FUZ: variants seen among roughly 807,000 people sequenced by gnomAD.
FUZ encodes the protein fuzzy planar cell polarity protein, also known as protein fuzzy homolog.
Under a neutral mutation model 43.1 loss-of-function variants are expected in FUZ, and 31 were observed. That is an observed-to-expected ratio of 0.72 (90% CI 0.54 to 0.97). FUZ has a LOEUF of 0.97. Among genes scored for constraint, FUZ ranks in the 50% least tolerant of loss-of-function variants. FUZ has a pLI of 0.00. For synonymous variants in FUZ, 274 were observed against 250.0 expected (o/e 1.10, Z -0.91); for missense variants, 539 against 543.8 (o/e 0.99, Z 0.09).
rs758936919 is a variant in FUZ at position 49,808,744 on chromosome 19, C to T, written c.866G>A (p.Gly289Asp). 23 of 1,584,824 alleles carry T rather than the reference C, an allele frequency of 1.5e-5. 1 individual carries two copies. In the South Asian group the frequency reaches 1.9e-4, roughly 13 times the overall value. Residue 289 changes from glycine (G) to aspartate (D), a missense_variant, in exon 8 of 11, where the codon GGC becomes GAC. Transcript: ENST00000313777. ...LPLGPRALPS[G>D]FPLHTDILGL... The stretch of plus-strand genomic sequence containing the variant: ...GAGGATGTCTGTGTGAAGGGGGAAG[C>T]CACTGGGCAGCGCCCGGGGTCCCAA...
intron 9 of FUZ, 40 bp from the exon 10 acceptor site, chr19:49,808,528 G>T: frequency 2.5e-6 from 4 of 1,596,716 alleles, no homozygotes; most frequent in Non-Finnish European, 3.4e-6. Context: ...GCGCCTCCCC[G>T]GCCCACGCCC....
At chr19:49,811,580 TG>T (rs1378311698) in intron 4 of FUZ, 50 bp downstream of exon 4, 7 of 1,592,908 alleles carry the variant, frequency 4.4e-6, no homozygotes, top group Non-Finnish European at 6.0e-6. Context: ...AGTTCCCAAA[TG>T]GCAGTGCCCA....
chr19:49,811,347 A>G lies in FUZ; in HGVS notation c.492+16T>C. ...CAGCAGAACAGGTGTAAGAGTTTCC[A>G]TAGCATCCCCAGTACCTGCAAGAGG... On this transcript the variant is annotated intron_variant, in intron 5 of 10. Transcript: ENST00000313777. The G allele has an allele frequency of 6.4e-7, 1 of 1,562,204 alleles. No individual in the cohort carries two copies. The highest frequency in any genetic ancestry group is 8.7e-7 in the Non-Finnish European group (1 of 1,143,368).
rs1247207282 is a variant in FUZ at position 49,811,653 on chromosome 19, T to C, written c.365A>G (p.Glu122Gly). 6.2e-7 allele frequency: 1 copy of C among 1,614,170 alleles called. No homozygotes were observed. Among genetic ancestry groups the C allele is most frequent in the African/African-American group, 1.3e-5 (1 of 75,052 alleles). ...LEELTNIRNV[E>G]RLKKDLRASY... ...CACCCTCAAGTCCTTCTTCAGTCTC[T>C]CCACGTTGCGGATATTGGTCAGTTC... Residue 122 changes from glutamate to glycine, a missense_variant, in exon 4 of 11, where the codon GAG becomes GGG. Transcript: ENST00000313777.
Position 49,807,152 on chromosome 19 carries a change from CAAAG to C in FUZ, c.1252_1255del (p.Leu418AspfsTer24). ...TGTCCATCACCCACTGCTAGGTAGTCAAAGAAGTGGGGTGAGGGCATGCAGAGTG... is the reference window on the plus strand; with the variant it reads ...TGTCCATCACCCACTGCTAGGTAGTCAAGTGGGGTGAGGGCATGCAGAGTG... On this transcript the variant is annotated frameshift_variant and stop_lost, in exon 11 of 11. Transcript: ENST00000313777. LOFTEE classifies it high-confidence loss of function. 6.2e-7 allele frequency: 1 copy of C among 1,612,882 alleles called. No homozygotes were observed. Among genetic ancestry groups the C allele is most frequent in the Non-Finnish European group, 8.5e-7 (1 of 1,179,768 alleles).
At chr19:49,811,182 AAAAG>A (rs1221344788) in intron 5 of FUZ, 177 bp downstream of exon 5, 10 of 672,834 alleles carry the variant, frequency 1.5e-5, no homozygotes, top group Middle Eastern at 5.6e-4. Flanking sequence ...AAGAAAAAAG[AAAAG>A]AAAGAGAAAG....
intron 10 of FUZ, among the ~76,000 whole-genome samples, chr19:49,807,687 T>C (rs888024149): frequency 1.3e-5 from 2 of 152,080 alleles, no homozygotes; most frequent in Non-Finnish European, 1.5e-5. Context: ...TCCTGTAGCC[T>C]TTTCCAGGAG....
Position 49,809,675 on chromosome 19 carries a change from G to A in FUZ, c.493-100C>T. The A allele has an allele frequency of 7.8e-7, 1 of 1,273,896 alleles. No homozygotes were observed. The highest frequency in any genetic ancestry group is 2.0e-5 in the Admixed American group (1 of 50,548). 78.9% of individuals were successfully genotyped at this position (1,273,896 alleles called of 1,614,324 possible). A position where few individuals can be genotyped will look rare whatever the true frequency, so the allele number is the denominator to read the frequency against. Reference sequence around the variant, plus strand: ...GGGAATGGGGAGAAACCCACAGCCAGCCCCGAGCTCGCGCAGTGGCCATGC... The same window carrying A: ...GGGAATGGGGAGAAACCCACAGCCAACCCCGAGCTCGCGCAGTGGCCATGC... On this transcript the variant is annotated intron_variant, in intron 5 of 10. Transcript: ENST00000313777. The surrounding 1 kb of genome is among the most constrained non-coding windows in gnomAD (Gnocchi z 5.1).
intron 10 of FUZ, chr19:49,807,970 CT>C: frequency 3.6e-6 from 1 of 279,188 alleles, no homozygotes; most frequent in Non-Finnish European, 7.0e-6. Flanking sequence ...AAAGCCTGTG[CT>C]TTTGGCAGTT....
chr19:49,809,123 G>T lies in FUZ; in HGVS notation c.786+40C>A. 1 of 1,527,132 alleles carries T rather than the reference G, an allele frequency of 6.5e-7. No individual in the cohort carries two copies. Among genetic ancestry groups the T allele is most frequent in the Non-Finnish European group, 8.9e-7 (1 of 1,125,548 alleles). 94.6% of individuals were successfully genotyped at this position (1,527,132 alleles called of 1,614,324 possible). ...GTGGGGAAGGGCCCTCCTGGTAGCG[G>T]GTGTCCTAAGAGCGAAAGCGGGACG... On this transcript the variant is annotated intron_variant, in intron 7 of 10. Transcript: ENST00000313777. The surrounding 1 kb of genome is among the most constrained non-coding windows in gnomAD (Gnocchi z 5.1).
chr19:49,813,123 G>A lies in FUZ; in HGVS notation c.-17C>T, dbSNP rs199809983. Reference sequence around the variant, plus strand: ...CTCCCCCATTTAGGACTCCCACCGCGGTCCCTCACGTGGGGACTGTCAGTG... The same window carrying A: ...CTCCCCCATTTAGGACTCCCACCGCAGTCCCTCACGTGGGGACTGTCAGTG... On this transcript the variant is annotated 5_prime_UTR_variant, in exon 1 of 11. Transcript: ENST00000313777. The A allele has an allele frequency of 4.5e-4, 690 of 1,539,506 alleles. 4 individuals are homozygous for A. Among genetic ancestry groups the A allele is most frequent in the Admixed American group, 3.7e-4 (19 of 50,994 alleles).
chr19:49,807,759 A>AGTC (rs2073470147), intron 10 of FUZ, among the ~76,000 whole-genome samples: 1 of 152,154 alleles, frequency 6.6e-6, no homozygotes, highest in African/African-American at 2.4e-5. Context: ...TGGGAGGTGG[A>AGTC]GTCGCACAGC....
rs1281656317 is a variant in FUZ, at chr19:49,808,779, G to A, written c.831C>T (p.Ala277=). ...WWQPLLDPLR[A]CLPLGPRALP... ...GCGCCCGGGGTCCCAACGGCAGACA[G>A]GCCCGCAACGGGTCCAGCAGTGGCT... Residue 277 remains alanine, a synonymous_variant, in exon 8 of 11, where the codon GCC becomes GCT. Transcript: ENST00000313777. The A allele has an allele frequency of 6.4e-7, 1 of 1,562,674 alleles. No individual in the cohort carries two copies. Among genetic ancestry groups the A allele is most frequent in the South Asian group, 1.2e-5 (1 of 85,484 alleles).
intron 10 of FUZ, 61 bp downstream of exon 10, chr19:49,808,353 T>C: frequency 1.3e-6 from 2 of 1,540,958 alleles, no homozygotes; most frequent in Non-Finnish European, 1.8e-6. Context: ...ACTCCCATTT[T>C]GTGCGACCTG....
rs757100171 is a variant in FUZ at position 49,809,407 on chromosome 19, G to A, written c.661C>T (p.Pro221Ser). 40 of 1,543,468 alleles carry A rather than the reference G, an allele frequency of 2.6e-5. No individual in the cohort carries two copies. The Admixed American group carries it at 7.5e-4, about 29-fold the overall frequency. The change falls in exon 6 of 11, where the codon CCG (proline) becomes TCG (serine). Residue 221 changes from proline to serine, a missense_variant. Coordinates refer to ENST00000313777, the MANE Select transcript of FUZ (RefSeq NM_025129.5). This position sits in a 1 kb window ranked among gnomAD's most constrained non-coding sequence, Gnocchi z 5.1. ...SLPPQTARDYPVYLPHGSPTV... is the reference protein window; with the variant it reads ...SLPPQTARDYSVYLPHGSPTV... ...GGGCTCCCGTGCGGCAGGTACACCG[G>A]GTAGTCGCGAGCGGTCTGCGGCGGC...
chr19:49,811,296 A>C, intron 5 of FUZ, 67 bp downstream of exon 5: 1 of 1,098,594 alleles, frequency 9.1e-7, no homozygotes, highest in Non-Finnish European at 1.4e-6. Flanking sequence ...GGTCCAGAAG[A>C]AAGAGGATGA....
rs1157232985 is a variant in FUZ at position 49,808,943 on chromosome 19, T to C, written c.787-120A>G. 49 of 908,176 alleles carry C rather than the reference T, an allele frequency of 5.4e-5. 2 individuals carry two copies. In the South Asian group the frequency reaches 6.2e-4, roughly 12 times the overall value. The allele number at this position is 908,176 out of a possible 1,614,324, so 56.3% of individuals were successfully genotyped here. A position where few individuals can be genotyped will look rare whatever the true frequency, so the allele number is the denominator to read the frequency against. On this transcript the variant is annotated intron_variant, in intron 7 of 10. Coordinates refer to ENST00000313777, the MANE Select transcript of FUZ (RefSeq NM_025129.5). ...GGAGGGGCGGGGCCTGCAAGAAGAG[T>C]GGAGGGCGGAGGGCAGAAGGGACTG... is the stretch of plus-strand genomic sequence containing the variant.
chr19:49,812,841 G>A, intron 1 of FUZ, 105 bp from the exon 2 acceptor site: 1 of 1,482,734 alleles, frequency 6.7e-7, no homozygotes, highest in Non-Finnish European at 9.3e-7. Context: ...CATATGACCT[G>A]GCAGTGCCTC....
In FUZ at chr19:49,807,074, C is replaced by T. The variant is rs79867031; in HGVS notation, c.*77G>A. 11,030 of 1,327,024 alleles carry T rather than the reference C, an allele frequency of 8.3e-3. 298 individuals carry two copies. In the East Asian group the frequency reaches 0.12, roughly 15 times the overall value. 82.2% of individuals were successfully genotyped at this position (1,327,024 alleles called of 1,614,324 possible). ...CTCCTACCCCCTCCCCATCCAGGGG[C>T]TGTGTATTATTGTGAGCGAATAAAC... On this transcript the variant is annotated 3_prime_UTR_variant, in exon 11 of 11. Coordinates refer to ENST00000313777, the MANE Select transcript of FUZ (RefSeq NM_025129.5).
Sources: allele counts gnomAD v4.1 joint callset (sites outside exome capture counted in the v4.1 genomes callset), GRCh38; gene constraint gnomAD v4.1.1; non-coding constraint Gnocchi (gnomAD v3.1); transcripts MANE v1.5; gene names NCBI Gene and HGNC (gene_info 2026-07-23, HGNC 2026-07-21).